The following TRIM2 variants were observed in gnomAD, a reference collection of about 807,000 sequenced individuals.
TRIM2 encodes tripartite motif-containing protein 2.
A neutral mutation model predicts 75.2 loss-of-function variants in TRIM2; 20 were observed. The observed-to-expected ratio is 0.27, with a 90% CI of 0.19 to 0.39. The LOEUF (loss-of-function observed/expected upper bound fraction) is 0.39. Among genes scored for constraint, TRIM2 ranks in the 10% least tolerant of loss-of-function variants. The pLI is 1.00. For synonymous variants in TRIM2, 373 were observed against 388.3 expected (o/e 0.96, Z 0.46); for missense variants, 660 against 990.8 (o/e 0.67, Z 4.48).
chr4:153,237,439 G>C (rs756696086), intron 1 of TRIM2, among the ~76,000 whole-genome samples: 9 of 152,142 alleles, frequency 5.9e-5, no homozygotes, highest in Non-Finnish European at 1.2e-4. Context: ...CCAGCACTTT[G>C]GGAGGCTGAG....
At position 153,339,176 on chromosome 4, in the gene TRIM2, G is replaced by A; in HGVS notation, c.*4210G>A. ...TGTTTGTATGTTCGTAGCTACATAC[G>A]TACCACAGTATTTTGGATGCTTTAG... is the stretch of plus-strand genomic sequence containing the variant. On this transcript the variant is annotated 3_prime_UTR_variant, in exon 12 of 12. Transcript: ENST00000338700. 9.1e-6 allele frequency: 9 copies of A among 985,754 alleles called. No individual in the cohort carries two copies. Among genetic ancestry groups the A allele is most frequent in the Non-Finnish European group, 1.1e-5 (9 of 829,872 alleles). The allele number at this position is 985,754 out of a possible 1,614,324, so 61.1% of individuals were successfully genotyped here. A position where few individuals can be genotyped will look rare whatever the true frequency, so the allele number is the denominator to read the frequency against.
intron 1 of TRIM2, among the ~76,000 whole-genome samples, chr4:153,161,823 A>C (rs1458677999): frequency 6.6e-6 from 1 of 152,242 alleles, no homozygotes; most frequent in Non-Finnish European, 1.5e-5. Context: ...CCATGGATCA[A>C]GAGCAAATCA....
chr4:153,308,204 A>G lies in TRIM2; in HGVS notation c.1511-7281A>G. 6.8e-6 allele frequency: 10 copies of G among 1,460,974 alleles called. 1 individual carries two copies. In the South Asian group the frequency reaches 1.1e-4, roughly 17 times the overall value. The allele number at this position is 1,460,974 out of a possible 1,614,324, so 90.5% of individuals were successfully genotyped here. On this transcript the variant is annotated intron_variant, in intron 6 of 11. Transcript: ENST00000338700. ...GGGCATCTTGGTCAATCAGTTCATA[A>G]TCAATGACAGAGCCATCCTCTGCTC...
chr4:153,196,628 C>T (rs1236395266), intron 1 of TRIM2, among the ~76,000 whole-genome samples: 2 of 152,184 alleles, frequency 1.3e-5, no homozygotes, highest in Admixed American at 1.3e-4. Context: ...GTACTGCTCA[C>T]ACTTTCCAAG....
intron 8 of TRIM2, 104 bp from the exon 9 acceptor site, chr4:153,322,544 C>T (rs1769251004): frequency 1.5e-6 from 2 of 1,311,402 alleles, no homozygotes; most frequent in African/African-American, 3.0e-5. Flanking sequence ...CCCGTTTGAA[C>T]CTTCAGGTAA....
At chr4:153,206,380 T>G (rs2149692726) in intron 1 of TRIM2, among the ~76,000 whole-genome samples, 1 of 152,360 alleles carries the variant, frequency 6.6e-6, no homozygotes, top group Middle Eastern at 3.4e-3. Flanking sequence ...GGTCACTGTT[T>G]TGTTAGCATA....
intron 3 of TRIM2, among the ~76,000 whole-genome samples, chr4:153,278,791 C>G (rs1758582440): frequency 7.1e-6 from 1 of 141,492 alleles, no homozygotes; most frequent in South Asian, 2.2e-4. Flanking sequence ...GAGCAAGACT[C>G]TATCTCAAAA....
In TRIM2 at chr4:153,337,467, TG is replaced by T. The variant is rs1772583343; in HGVS notation, c.*2502del. ...GATTCAGACCTGCTCCACTATGTGT[TG>T]CTAAAACACATGCTATGAGCACTCC... On this transcript the variant is annotated 3_prime_UTR_variant, in exon 12 of 12. Coordinates refer to ENST00000338700, the MANE Select transcript of TRIM2 (RefSeq NM_015271.5). 4 of 985,868 alleles carry T rather than the reference TG, an allele frequency of 4.1e-6. No homozygotes were observed. Among genetic ancestry groups the T allele is most frequent in the Non-Finnish European group, 4.8e-6 (4 of 829,934 alleles). 61.1% of individuals were successfully genotyped at this position (985,868 alleles called of 1,614,324 possible).
rs1762713710 is a variant in TRIM2, at chr4:153,296,122, G to A, written c.1510+86G>A. ...ACGTGTCATTGCAAATAGCAACACTGCAGCCCAGAACTCTACCTGCAGGTG... is the reference window on the plus strand; with the variant it reads ...ACGTGTCATTGCAAATAGCAACACTACAGCCCAGAACTCTACCTGCAGGTG... On this transcript the variant is annotated intron_variant, in intron 6 of 11. Transcript: ENST00000338700. 4.1e-6 allele frequency: 6 copies of A among 1,467,026 alleles called. No individual in the cohort carries two copies. In the South Asian group the frequency reaches 9.0e-5, roughly 22 times the overall value. The allele number at this position is 1,467,026 out of a possible 1,614,324, so 90.9% of individuals were successfully genotyped here.
At chr4:153,291,060 T>C (rs1281141884) in intron 3 of TRIM2, among the ~76,000 whole-genome samples, 1 of 150,652 alleles carries the variant, frequency 6.6e-6, no homozygotes, top group Non-Finnish European at 1.5e-5. Context: ...AAAGTGTCTT[T>C]ATATGACAAA....
chr4:153,216,799 G>A (rs1361589536), intron 1 of TRIM2, among the ~76,000 whole-genome samples: 1 of 152,174 alleles, frequency 6.6e-6, no homozygotes, highest in East Asian at 1.9e-4. Flanking sequence ...AAGGACAAAA[G>A]GGCTTGCTAG....
intron 1 of TRIM2, among the ~76,000 whole-genome samples, chr4:153,240,739 G>A (rs528867887): frequency 6.6e-6 from 1 of 152,264 alleles, no homozygotes; most frequent in South Asian, 2.1e-4. Context: ...ATATTATAAA[G>A]CATACCTCAA....
Position 153,332,473 on chromosome 4 carries a change from C to T in TRIM2, c.2164-2341C>T, listed in dbSNP as rs565178953. On this transcript the variant is annotated intron_variant, in intron 11 of 11. Coordinates refer to ENST00000338700, the MANE Select transcript of TRIM2 (RefSeq NM_015271.5). Reference sequence around the variant, plus strand: ...CAGCCTGGCCAACATGGCAAAACTGCGTCTCTACTAAAAATACAAAAATTA... The same window carrying T: ...CAGCCTGGCCAACATGGCAAAACTGTGTCTCTACTAAAAATACAAAAATTA... Among the ~76,000 whole-genome samples, 6 of 152,158 alleles carry T rather than the reference C, an allele frequency of 3.9e-5. No homozygotes were observed. The South Asian group carries it at 1.2e-3, about 32-fold the overall frequency.
chr4:153,160,243 T>C (rs964486417), intron 1 of TRIM2, among the ~76,000 whole-genome samples: 6 of 152,238 alleles, frequency 3.9e-5, no homozygotes, highest in African/African-American at 1.4e-4. Flanking sequence ...AGCATTATAA[T>C]TGAGTAGAGT....
chr4:153,204,632 A>C (rs1734889359), intron 1 of TRIM2, 72 bp downstream of exon 1: 1 of 1,534,830 alleles, frequency 6.5e-7, no homozygotes, highest in African/African-American at 1.4e-5. Flanking sequence ...GGGAGAAACA[A>C]GTTGTGATTG....
chr4:153,279,169 G>C (rs1401564802), intron 3 of TRIM2, among the ~76,000 whole-genome samples: 2 of 152,162 alleles, frequency 1.3e-5, no homozygotes, highest in Non-Finnish European at 2.9e-5. Flanking sequence ...AACTAGAATG[G>C]CATCAATGGG....
chr4:153,228,276 C>T (rs1049015717), intron 1 of TRIM2, among the ~76,000 whole-genome samples: 1 of 152,178 alleles, frequency 6.6e-6, no homozygotes, highest in Non-Finnish European at 1.5e-5. Context: ...CAAATCCTGG[C>T]CCTATACTTA....
chr4:153,305,134 G>C (rs1475420020), intron 6 of TRIM2, among the ~76,000 whole-genome samples: 1 of 152,202 alleles, frequency 6.6e-6, no homozygotes, highest in African/African-American at 2.4e-5. Context: ...GAGTGCTGTA[G>C]GGAAGTGATG....
At chr4:153,263,612 G>A (rs1262504872) in intron 1 of TRIM2, among the ~76,000 whole-genome samples, 1 of 152,190 alleles carries the variant, frequency 6.6e-6, no homozygotes, top group East Asian at 1.9e-4. Flanking sequence ...CATTCTAGGG[G>A]GAGGGCGGAG....
Sources: gnomAD v4.1 joint callset for allele counts (sites outside exome capture counted in the v4.1 genomes callset) on GRCh38, gnomAD v4.1.1 for gene constraint, MANE v1.5 for transcripts, NCBI Gene and HGNC (gene_info 2026-07-23, HGNC 2026-07-21) for gene names.